ARHGEF17: variants seen among roughly 807,000 people sequenced by gnomAD.
ARHGEF17 encodes the protein Rho guanine nucleotide exchange factor 17.
In ARHGEF17, 80 loss-of-function variants were observed where a neutral mutation model predicts 174.0. The ratio of observed to expected loss-of-function variants is 0.46; its 90% CI spans 0.38 to 0.55. ARHGEF17 has a LOEUF of 0.55. ARHGEF17 is among the 20% of genes least tolerant of loss of function. The probability of loss-of-function intolerance (pLI) is 0.00; values close to 1 mark genes in which losing one functional copy is unlikely to be tolerated. For synonymous variants in ARHGEF17, 1,311 were observed against 1,189.1 expected (o/e 1.10, Z -2.11); for missense variants, 2,886 against 2,839.7 (o/e 1.02, Z -0.37).
At chr11:73,328,328 C>T (rs879898604) in intron 1 of ARHGEF17, among the ~76,000 whole-genome samples, 1 of 152,204 alleles carries the variant, frequency 6.6e-6, no homozygotes, top group Non-Finnish European at 1.5e-5. Flanking sequence ...GTTTTGCTAG[C>T]AGAAATCCCC....
intron 1 of ARHGEF17, among the ~76,000 whole-genome samples, chr11:73,324,565 GGTGAGGGTGCTTA>G (rs1388942870): frequency 4.6e-5 from 7 of 152,216 alleles, no homozygotes; most frequent in African/African-American, 1.4e-4. Context: ...GCCCAGAGAA[GGTGAGGGTGCTTA>G]GCTCAGGTCA....
At position 73,362,706 on chromosome 11, in the gene ARHGEF17, C is replaced by G. The variant is rs774568609; in HGVS notation, c.4968C>G (p.Ser1656Arg). 4 of 1,606,054 alleles carry G rather than the reference C, an allele frequency of 2.5e-6. No homozygotes were observed. The highest frequency in any genetic ancestry group is 3.3e-4 in the Middle Eastern group (2 of 6,048). Reference sequence around the variant, plus strand: ...CGGGGACGCTGCAGAGCCAGGCCAGCCGGTCCACCATCTCCTCCAGCTTTG... The same window carrying G: ...CGGGGACGCTGCAGAGCCAGGCCAGGCGGTCCACCATCTCCTCCAGCTTTG... ...SPSGTLQSQA[S>R]RSTISSSFGN... The change falls in exon 14 of 21, where the codon AGC (serine) becomes AGG (arginine). Residue 1656 changes from serine (S) to arginine (R), a missense_variant. Physicochemically the swap from Ser to Arg is moderately radical, Grantham distance 110 (BLOSUM62 -1). This residue lies in a region of ARHGEF17 where 476 missense variants were observed against 473.1 expected (regional missense o/e 1.01). Transcript: ENST00000263674.
At chr11:73,342,216 G>T (rs537077771) in intron 1 of ARHGEF17, among the ~76,000 whole-genome samples, 2 of 152,072 alleles carry the variant, frequency 1.3e-5, no homozygotes, top group East Asian at 3.9e-4. Flanking sequence ...TCTAGGGGTG[G>T]GGCGGATGGA....
rs754262806 is a variant in ARHGEF17 at position 73,310,462 on chromosome 11, A to G, written c.1824A>G (p.Gln608=). The change falls in exon 1 of 21, where the codon CAA becomes CAG. Residue 608 remains glutamine (Q), a synonymous_variant. Transcript: ENST00000263674. ...VFEKIQRMGA[Q]QDDGSDAPPG... is the part of the protein sequence containing the mutation. ...AGAAGATCCAGCGCATGGGTGCCCA[A>G]CAAGATGATGGAAGCGATGCCCCCC... is the stretch of plus-strand genomic sequence containing the variant. 74 of 1,613,886 alleles carry G rather than the reference A, an allele frequency of 4.6e-5. No individual in the cohort carries two copies. In the Admixed American group the frequency reaches 1.2e-3, roughly 25 times the overall value.
At chr11:73,340,562 G>A (rs1031509785) in intron 1 of ARHGEF17, among the ~76,000 whole-genome samples, 16 of 152,208 alleles carry the variant, frequency 1.1e-4, no homozygotes, top group Non-Finnish European at 2.2e-4. Context: ...ACTGGAACTA[G>A]TGAGGGAATG....
At position 73,311,720 on chromosome 11, in the gene ARHGEF17, C is replaced by G. The variant is rs1201013550; in HGVS notation, c.3082C>G (p.Pro1028Ala). 2 of 1,613,286 alleles carry G rather than the reference C, an allele frequency of 1.2e-6. No individual in the cohort carries two copies. Among genetic ancestry groups the G allele is most frequent in the Non-Finnish European group, 1.7e-6 (2 of 1,180,040 alleles). The change falls in exon 1 of 21, where the codon CCC becomes GCC. Residue 1028 changes from proline to alanine, a missense_variant. Pro to Ala is a conservative substitution (Grantham distance 27). This residue lies in a region of ARHGEF17 where 1,728 missense variants were observed against 1,461.2 expected (regional missense o/e 1.18). Transcript: ENST00000263674. ...CCCTGCCCCAGTGCCAGTGGACATG[C>G]CCTGCTTGCCTCTGGCTGCACCGCC... ...EVPAPVPVDM[P>A]CLPLAAPPSA...
At chr11:73,347,252 A>G (rs1440708785) in intron 2 of ARHGEF17, 1 of 513,484 alleles carries the variant, frequency 1.9e-6, no homozygotes, top group Non-Finnish European at 3.5e-6. Context: ...TAGATCCGTG[A>G]ACTCCCTCTG....
At chr11:73,343,332 C>A (rs939785237) in intron 1 of ARHGEF17, 17 of 395,136 alleles carry the variant, frequency 4.3e-5, no homozygotes, top group African/African-American at 8.3e-5. Flanking sequence ...AGAACTCAGC[C>A]GACCCAGGAG....
At chr11:73,357,464 A>AG in intron 9 of ARHGEF17, 137 bp downstream of exon 9, 1 of 767,686 alleles carries the variant, frequency 1.3e-6, no homozygotes, top group Non-Finnish European at 2.1e-6. Context: ...ATCCAGTGCA[A>AG]GGGGGCTGGC....
rs756651626 is a variant in ARHGEF17 at position 73,310,483 on chromosome 11, C to G, written c.1845C>G (p.Ala615=). ...CCCAACAAGATGATGGAAGCGATGC[C>G]CCCCCTGGAAGCCCTGACTGGGCAG... is the stretch of plus-strand genomic sequence containing the variant. ...MGAQQDDGSD[A]PPGSPDWAGD... Residue 615 remains alanine, a synonymous_variant, in exon 1 of 21, where the codon GCC becomes GCG. Transcript: ENST00000263674. The G allele has an allele frequency of 6.2e-7, 1 of 1,613,976 alleles. No homozygotes were observed. Among genetic ancestry groups the G allele is most frequent in the East Asian group, 2.2e-5 (1 of 44,882 alleles).
intron 1 of ARHGEF17, among the ~76,000 whole-genome samples, chr11:73,315,345 C>T (rs1332813154): frequency 6.6e-6 from 1 of 152,184 alleles, no homozygotes; most frequent in Non-Finnish European, 1.5e-5. Flanking sequence ...ACAGCAAGGG[C>T]GGGCAGAACC....
intron 1 of ARHGEF17, 37 bp downstream of exon 1, chr11:73,311,867 AG>A (rs1263183097): frequency 6.4e-7 from 1 of 1,559,320 alleles, no homozygotes; most frequent in African/African-American, 1.4e-5. Flanking sequence ...TTGGGGCCAA[AG>A]AAGGGCCATG....
In ARHGEF17 at chr11:73,361,069, C is replaced by A. The variant is rs1221631563; in HGVS notation, c.4421-19C>A. The A allele has an allele frequency of 1.9e-6, 3 of 1,606,166 alleles. No homozygotes were observed. Among genetic ancestry groups the A allele is most frequent in the Non-Finnish European group, 2.6e-6 (3 of 1,173,278 alleles). On this transcript the variant is annotated intron_variant, in intron 11 of 20. Coordinates refer to ENST00000263674, the MANE Select transcript of ARHGEF17 (RefSeq NM_014786.4). ...GCTATGCTAAGCAGGGTCCGTCTGT[C>A]TGTCCATCTCCACTACAGCATCCAG...
At chr11:73,356,877 C>A in intron 7 of ARHGEF17, 118 bp downstream of exon 7, 1 of 1,509,248 alleles carries the variant, frequency 6.6e-7, no homozygotes, top group South Asian at 1.2e-5. Flanking sequence ...GAGCCCTGGT[C>A]GAGTCCCCAC....
Position 73,356,369 on chromosome 11 carries a change from C to T in ARHGEF17, c.3840+18C>T, listed in dbSNP as rs1413068084. On this transcript the variant is annotated intron_variant, in intron 6 of 20. Coordinates refer to ENST00000263674, the MANE Select transcript of ARHGEF17 (RefSeq NM_014786.4). ...TGGAGGATGTGCGTGCGCCCTGCCC[C>T]ACCCCACCCTACCCCACCCCACCCA... is the stretch of plus-strand genomic sequence containing the variant. 6.3e-6 allele frequency: 10 copies of T among 1,585,288 alleles called. No individual in the cohort carries two copies. Among genetic ancestry groups the T allele is most frequent in the Non-Finnish European group, 7.7e-6 (9 of 1,169,714 alleles).
In ARHGEF17 at chr11:73,356,253, G is replaced by A; in HGVS notation, c.3742G>A (p.Ala1248Thr). The change falls in exon 6 of 21, where the codon GCT becomes ACT. Residue 1248 changes from alanine to threonine, a missense_variant. Ala to Thr is a moderately conservative substitution (Grantham distance 58). Coordinates refer to ENST00000263674, the MANE Select transcript of ARHGEF17 (RefSeq NM_014786.4). The part of the protein sequence containing the change: ...LEAQRNIKQV[A>T]ERINKGVRSA... ...GGCGCAGCGGAACATCAAGCAGGTG[G>A]CTGAGCGCATCAACAAGGGTGTGCG... 1 of 1,613,848 alleles carries A rather than the reference G, an allele frequency of 6.2e-7. No homozygotes were observed. Among genetic ancestry groups the A allele is most frequent in the Non-Finnish European group, 8.5e-7 (1 of 1,180,030 alleles).
At chr11:73,332,955 C>T (rs1040344177) in intron 1 of ARHGEF17, among the ~76,000 whole-genome samples, 5 of 152,138 alleles carry the variant, frequency 3.3e-5, no homozygotes, top group Admixed American at 1.3e-4. Flanking sequence ...TCAGGCCCAA[C>T]GAGGTTGTGT....
At chr11:73,316,259 G>A (rs1864927800) in intron 1 of ARHGEF17, among the ~76,000 whole-genome samples, 1 of 152,218 alleles carries the variant, frequency 6.6e-6, no homozygotes. Context: ...GGTGGCCTTT[G>A]ATAGGGTAAT....
intron 10 of ARHGEF17, 114 bp from the exon 11 acceptor site, chr11:73,360,206 G>A (rs1865713488): frequency 8.3e-7 from 1 of 1,206,034 alleles, no homozygotes; most frequent in Non-Finnish European, 1.2e-6. Flanking sequence ...AGGTCTGAGG[G>A]AGGAGACAGT....
Sources: gnomAD v4.1 joint callset for allele counts (sites outside exome capture counted in the v4.1 genomes callset) on GRCh38, gnomAD v4.1.1 for gene constraint, gnomAD v4.1.1 regional missense constraint, MANE v1.5 for transcripts, NCBI Gene and HGNC (gene_info 2026-07-23, HGNC 2026-07-21) for gene names.